XPO4: variants seen among roughly 807,000 people sequenced by gnomAD.
The protein encoded by XPO4 is exportin-4.
A neutral mutation model predicts 143.0 loss-of-function variants in XPO4; 39 were observed. The ratio of observed to expected loss-of-function variants is 0.27; its 90% CI spans 0.21 to 0.36. The LOEUF is 0.36. XPO4 is among the 10% of genes least tolerant of loss of function. The pLI, the probability that XPO4 is intolerant of heterozygous loss-of-function variation, is 1.00. For missense variants in XPO4, 907 were observed against 1,348.0 expected (o/e 0.67, Z 5.12); for synonymous variants, 439 against 474.0 (o/e 0.93, Z 0.96).
chr13:20,787,540 A>G lies in XPO4; in HGVS notation c.3106T>C (p.Cys1036Arg), dbSNP rs2059221780. Reference protein sequence around the residue: ...LEALTPLAEQCAKAQETDSPL... With the variant: ...LEALTPLAEQRAKAQETDSPL... ...GAGTCTGTTTCTTGTGCTTTTGCAC[A>G]CTGTTCAGCTAACGGTGTCAAGGCC... Residue 1036 changes from cysteine to arginine, a missense_variant, in exon 21 of 23, where the codon TGT becomes CGT. Physicochemically the swap from Cys to Arg is radical, Grantham distance 180. Coordinates refer to ENST00000255305, the MANE Select transcript of XPO4 (RefSeq NM_022459.5). The G allele has an allele frequency of 5.6e-6, 9 of 1,614,156 alleles. No homozygotes were observed. The highest frequency in any genetic ancestry group is 1.3e-5 in the African/African-American group (1 of 74,950).
At chr13:20,864,248 G>C (rs940202477) in intron 2 of XPO4, among the ~76,000 whole-genome samples, 2 of 152,036 alleles carry the variant, frequency 1.3e-5, no homozygotes, top group African/African-American at 2.4e-5. Context: ...GGGGGACCCA[G>C]TTCCATCTAT....
intron 4 of XPO4, chr13:20,852,531 T>C (rs2138091860): frequency 4.1e-6 from 4 of 985,402 alleles, no homozygotes; most frequent in African/African-American, 1.7e-5. Context: ...ACAACTCGTG[T>C]AGACACTGCT....
chr13:20,798,014 C>CG (rs1194579755), intron 16 of XPO4, among the ~76,000 whole-genome samples: 2 of 151,926 alleles, frequency 1.3e-5, no homozygotes, highest in Non-Finnish European at 2.9e-5. Context: ...CATGGTGGTG[C>CG]GCACCTGTAA....
At chr13:20,842,339 T>C (rs1398198806) in intron 6 of XPO4, among the ~76,000 whole-genome samples, 2 of 152,228 alleles carry the variant, frequency 1.3e-5, no homozygotes, top group Non-Finnish European at 2.9e-5. Flanking sequence ...AAAAAGCAGA[T>C]ATATGCATTG....
intron 13 of XPO4, among the ~76,000 whole-genome samples, chr13:20,806,721 T>C (rs2059512201): frequency 6.6e-6 from 1 of 151,592 alleles, no homozygotes; most frequent in South Asian, 2.1e-4. Context: ...TCCAGCTAAT[T>C]TTTGCAGGTT....
chr13:20,863,555 T>C (rs1057251100), intron 2 of XPO4, among the ~76,000 whole-genome samples: 7 of 152,264 alleles, frequency 4.6e-5, no homozygotes, highest in South Asian at 4.1e-4. Context: ...GGAGAAAAAA[T>C]AGAAAATTAA....
chr13:20,813,957 C>CAAAAAAAA (rs557631755), intron 9 of XPO4, among the ~76,000 whole-genome samples: 1 of 89,824 alleles, frequency 1.1e-5, no homozygotes, highest in African/African-American at 4.6e-5. Context: ...GACGCTGTCT[C>CAAAAAAAA]AAAAAAAAAA....
At chr13:20,845,274 C>T (rs867555819) in intron 4 of XPO4, among the ~76,000 whole-genome samples, 1 of 152,260 alleles carries the variant, frequency 6.6e-6, no homozygotes, top group Middle Eastern at 3.4e-3. Flanking sequence ...GCACAAAACC[C>T]CATATGTTAA....
intron 1 of XPO4, among the ~76,000 whole-genome samples, chr13:20,881,619 T>C (rs1476722108): frequency 6.6e-6 from 1 of 152,076 alleles, no homozygotes; most frequent in African/African-American, 2.4e-5. Context: ...TTATGAGCAA[T>C]ATAATAAAAG....
chr13:20,851,936 T>C, intron 4 of XPO4: 1 of 985,350 alleles, frequency 1.0e-6, no homozygotes, highest in South Asian at 4.7e-5. Context: ...AATTGCCAGG[T>C]TGCAGTGGGA....
intron 9 of XPO4, 132 bp downstream of exon 9, chr13:20,821,572 T>A (rs774620844): frequency 5.0e-5 from 51 of 1,028,592 alleles, no homozygotes; most frequent in Non-Finnish European, 6.5e-5. Context: ...AATTTGCACA[T>A]CTAAACAAAA....
At chr13:20,849,310 T>C (rs554430687) in intron 4 of XPO4, 16 of 985,402 alleles carry the variant, frequency 1.6e-5, no homozygotes, top group Non-Finnish European at 1.9e-5. Flanking sequence ...GGGGCTGCCG[T>C]AGACAAGTGA....
intron 4 of XPO4, chr13:20,849,747 T>C (rs1371110588): frequency 3.0e-6 from 3 of 985,264 alleles, no homozygotes; most frequent in Non-Finnish European, 3.6e-6. Flanking sequence ...GAACCAAGTC[T>C]TTAAGATACT....
At position 20,779,674 on chromosome 13, in the gene XPO4, G is replaced by A. The variant is rs1473725461; in HGVS notation, c.*4048C>T. 2.6e-5 allele frequency: 4 copies of A among 152,588 alleles called. No individual in the cohort carries two copies. The highest frequency in any genetic ancestry group is 9.7e-5 in the African/African-American group (4 of 41,424). The allele number at this position is 152,588 out of a possible 1,614,324, so 9.5% of individuals were successfully genotyped here. ...TCGTCTTTACTAAGACTTACCCATA[G>A]AGAACTACAGCAGGAAACCGATTTC... On this transcript the variant is annotated 3_prime_UTR_variant, in exon 23 of 23. Transcript: ENST00000255305.
chr13:20,799,039 A>T, intron 16 of XPO4, 126 bp downstream of exon 16: 1 of 1,008,346 alleles, frequency 9.9e-7, no homozygotes, highest in Non-Finnish European at 1.4e-6. Context: ...AAAAAAAAGA[A>T]AGAAAGAAAG....
intron 1 of XPO4, among the ~76,000 whole-genome samples, chr13:20,869,189 T>C (rs1210470199): frequency 3.3e-5 from 5 of 152,278 alleles, no homozygotes; most frequent in African/African-American, 9.6e-5. Flanking sequence ...CTAAAATCAC[T>C]ATCAAACCAG....
intron 4 of XPO4, among the ~76,000 whole-genome samples, chr13:20,853,736 C>T (rs1440388822): frequency 1.3e-5 from 2 of 152,118 alleles, no homozygotes; most frequent in Non-Finnish European, 2.9e-5. Flanking sequence ...ACGTTTGTCA[C>T]TAACTATGTG....
rs1158570534 is a variant in XPO4 at position 20,782,353 on chromosome 13, T to C, written c.*1369A>G. 2.0e-5 allele frequency: 3 copies of C among 152,274 alleles called. No homozygotes were observed. The highest frequency in any genetic ancestry group is 1.9e-4 in the East Asian group (1 of 5,202). 9.4% of individuals were successfully genotyped at this position (152,274 alleles called of 1,614,324 possible). On this transcript the variant is annotated 3_prime_UTR_variant, in exon 23 of 23. Coordinates refer to ENST00000255305, the MANE Select transcript of XPO4 (RefSeq NM_022459.5). ...GTACTGCAATGAGTGGAGTTTCATA[T>C]GCCTGCTGTGTATAAATTAGCTTTC... is the stretch of plus-strand genomic sequence containing the variant.
At chr13:20,865,464 G>T (rs2060236861) in intron 2 of XPO4, 1 of 985,070 alleles carries the variant, frequency 1.0e-6, no homozygotes. Flanking sequence ...ACTACTTCTG[G>T]GAAGATCTGC....
Sources: gnomAD v4.1 joint callset for allele counts (sites outside exome capture counted in the v4.1 genomes callset) on GRCh38, gnomAD v4.1.1 for gene constraint, MANE v1.5 for transcripts, NCBI Gene and HGNC (gene_info 2026-07-23, HGNC 2026-07-21) for gene names.